The following TRDMT1 variants were observed in gnomAD, a reference collection of about 807,000 sequenced individuals.
TRDMT1 encodes the protein tRNA aspartic acid methyltransferase 1, also known as tRNA (cytosine(38)-C(5))-methyltransferase.
In TRDMT1, 49 loss-of-function variants were observed where a neutral mutation model predicts 51.2. That is an observed-to-expected ratio of 0.96 (90% CI 0.76 to 1.21). The LOEUF (loss-of-function observed/expected upper bound fraction) is 1.21, where lower values mean the gene tolerates loss of function less well. Ranked by LOEUF, TRDMT1 falls within the 50% of genes most tolerant of loss-of-function variation. The pLI is 0.00. For synonymous variants in TRDMT1, 187 were observed against 164.6 expected (o/e 1.14, Z -1.04); for missense variants, 534 against 462.3 (o/e 1.16, Z -1.42).
At chr10:17,183,817 A>G (rs903789713) in intron 1 of TRDMT1, among the ~76,000 whole-genome samples, 3 of 152,224 alleles carry the variant, frequency 2.0e-5, no homozygotes, top group African/African-American at 7.2e-5. Context: ...ACCCTGAGAA[A>G]CAACAAAAGG....
At position 17,148,238 on chromosome 10, in the gene TRDMT1, G is replaced by A. The variant is rs929196637; in HGVS notation, c.*802C>T. ...GAGGGGAGTACTGTCATATGACATG[G>A]GATCAGAGGGCAGCTTCCTCCCTGA... On this transcript the variant is annotated 3_prime_UTR_variant, in exon 11 of 11. Transcript: ENST00000377799. The A allele has an allele frequency of 5.6e-5, 55 of 985,400 alleles. No individual in the cohort carries two copies. The highest frequency in any genetic ancestry group is 6.6e-5 in the Non-Finnish European group (55 of 829,934). The allele number at this position is 985,400 out of a possible 1,614,324, so 61.0% of individuals were successfully genotyped here. A position where few individuals can be genotyped will look rare whatever the true frequency, so the allele number is the denominator to read the frequency against.
chr10:17,162,631 C>G (rs934650844), intron 3 of TRDMT1, among the ~76,000 whole-genome samples: 2 of 152,034 alleles, frequency 1.3e-5, no homozygotes, highest in East Asian at 3.9e-4. Context: ...ACACTTGAGC[C>G]CGGGAGTTCC....
chr10:17,188,228 A>C (rs944553898), intron 1 of TRDMT1, among the ~76,000 whole-genome samples: 4 of 152,116 alleles, frequency 2.6e-5, no homozygotes, highest in African/African-American at 9.7e-5. Context: ...CATCTGAGGT[A>C]ATCTTTAGGA....
rs1838017868 is a variant in TRDMT1 at position 17,145,368 on chromosome 10, A to T, written c.*3672T>A. 1.0e-6 allele frequency: 1 copy of T among 985,500 alleles called. No individual in the cohort carries two copies. The highest frequency in any genetic ancestry group is 1.2e-6 in the Non-Finnish European group (1 of 829,948). The allele number at this position is 985,500 out of a possible 1,614,324, so 61.0% of individuals were successfully genotyped here. A position where few individuals can be genotyped will look rare whatever the true frequency, so the allele number is the denominator to read the frequency against. ...GAGGTCCAGAAAAGTGCTTGCTAAG[A>T]AGCTGATATGATAGTTGTATATAGC... On this transcript the variant is annotated 3_prime_UTR_variant, in exon 11 of 11. Coordinates refer to ENST00000377799, the MANE Select transcript of TRDMT1 (RefSeq NM_004412.7).
At chr10:17,156,687 C>A (rs1396488422) in intron 8 of TRDMT1, among the ~76,000 whole-genome samples, 1 of 152,050 alleles carries the variant, frequency 6.6e-6, no homozygotes, top group Non-Finnish European at 1.5e-5. Context: ...TATACCTACA[C>A]CATGAAAACA....
At chr10:17,164,129 G>A (rs1308118188) in intron 3 of TRDMT1, among the ~76,000 whole-genome samples, 1 of 152,098 alleles carries the variant, frequency 6.6e-6, no homozygotes, top group Non-Finnish European at 1.5e-5. Context: ...ATAAAATACT[G>A]GCAAACCGAA....
At chr10:17,151,480 G>A in intron 10 of TRDMT1, 1 of 972,150 alleles carries the variant, frequency 1.0e-6, no homozygotes, top group Non-Finnish European at 1.2e-6. Context: ...CTCAAACAAT[G>A]CCCATTTTTG....
At chr10:17,192,274 G>A (rs531521439) in intron 1 of TRDMT1, among the ~76,000 whole-genome samples, 2 of 152,156 alleles carry the variant, frequency 1.3e-5, no homozygotes, top group Admixed American at 6.5e-5. Flanking sequence ...CCTGTTATTG[G>A]GGTGAGGCAG....
chr10:17,158,061 T>G (rs1466565701), intron 7 of TRDMT1, among the ~76,000 whole-genome samples: 1 of 152,154 alleles, frequency 6.6e-6, no homozygotes, highest in African/African-American at 2.4e-5. Context: ...AAGTATATAC[T>G]GAATATAGAT....
At chr10:17,179,659 T>C (rs143445038) in intron 1 of TRDMT1, among the ~76,000 whole-genome samples, 1 of 150,534 alleles carries the variant, frequency 6.6e-6, no homozygotes, top group East Asian at 2.0e-4. Flanking sequence ...ATCTGGGAGA[T>C]GAATTGCAGG....
intron 10 of TRDMT1, chr10:17,151,985 C>G (rs562741708): frequency 7.8e-7 from 1 of 1,288,688 alleles, no homozygotes; most frequent in Non-Finnish European, 1.0e-6. Flanking sequence ...TTCAGTATTA[C>G]CAAAGTGACT....
chr10:17,170,260 C>T (rs1374273630), intron 2 of TRDMT1, among the ~76,000 whole-genome samples: 1 of 152,144 alleles, frequency 6.6e-6, no homozygotes, highest in Non-Finnish European at 1.5e-5. Flanking sequence ...AAATTCATCA[C>T]TAAATTGAAC....
intron 1 of TRDMT1, among the ~76,000 whole-genome samples, chr10:17,193,025 TC>T (rs1157640178): frequency 6.6e-6 from 1 of 152,132 alleles, no homozygotes; most frequent in African/African-American, 2.4e-5. Context: ...ACCACTCTAT[TC>T]AACATAGTAT....
At chr10:17,169,635 A>C (rs897821742) in intron 2 of TRDMT1, 7 of 778,922 alleles carry the variant, frequency 9.0e-6, no homozygotes, top group Non-Finnish European at 1.3e-5. Context: ...AGAAACTTAA[A>C]GAAATGAGCC....
intron 2 of TRDMT1, chr10:17,171,819 T>C (rs1354279878): frequency 6.5e-6 from 1 of 153,032 alleles, no homozygotes; most frequent in Admixed American, 6.5e-5. Flanking sequence ...GATTCATCTC[T>C]TGCTCAGCTA....
In TRDMT1 at chr10:17,157,702, T is replaced by G. The variant is rs775171367; in HGVS notation, c.626A>C (p.Asn209Thr). 6.2e-7 allele frequency: 1 copy of G among 1,612,526 alleles called. No homozygotes were observed. The highest frequency in any genetic ancestry group is 1.1e-5 in the South Asian group (1 of 90,876). ...MDVENKIQEK[N>T]VEPNISFDGS... ...ATCAAAGCTAATATTTGGTTCAACGTTCTTTTCTTGAATTTTATTTTCTAC... is the reference window on the plus strand; with the variant it reads ...ATCAAAGCTAATATTTGGTTCAACGGTCTTTTCTTGAATTTTATTTTCTAC... Residue 209 changes from asparagine to threonine, a missense_variant, in exon 8 of 11, where the codon AAC (asparagine) becomes ACC (threonine). Coordinates refer to ENST00000377799, the MANE Select transcript of TRDMT1 (RefSeq NM_004412.7).
chr10:17,187,851 G>A (rs1204467237), intron 1 of TRDMT1, among the ~76,000 whole-genome samples: 1 of 151,918 alleles, frequency 6.6e-6, no homozygotes, highest in Admixed American at 6.6e-5. Context: ...TAGAATAAAC[G>A]TTAATCCCCT....
At chr10:17,194,538 C>A (rs1205450808) in intron 1 of TRDMT1, among the ~76,000 whole-genome samples, 2 of 151,754 alleles carry the variant, frequency 1.3e-5, no homozygotes, top group Non-Finnish European at 2.9e-5. Context: ...GGCCCATCAA[C>A]AAAATGAAAA....
At chr10:17,178,024 G>C (rs1019723006) in intron 1 of TRDMT1, among the ~76,000 whole-genome samples, 2 of 152,174 alleles carry the variant, frequency 1.3e-5, no homozygotes, top group South Asian at 2.1e-4. Flanking sequence ...TTTTGAGGAG[G>C]ACCTTGAGAA....
Sources: gnomAD v4.1 joint callset for allele counts (sites outside exome capture counted in the v4.1 genomes callset) on GRCh38, gnomAD v4.1.1 for gene constraint, MANE v1.5 for transcripts, NCBI Gene and HGNC (gene_info 2026-07-23, HGNC 2026-07-21) for gene names.